The following CSE1L variants were observed in gnomAD, a reference collection of about 807,000 sequenced individuals.
CSE1L encodes the protein exportin-2.
A neutral mutation model predicts 120.4 loss-of-function variants in CSE1L; 24 were observed. The ratio of observed to expected loss-of-function variants is 0.20; its 90% confidence interval spans 0.14 to 0.28. The LOEUF (loss-of-function observed/expected upper bound fraction) is 0.28. CSE1L is among the 10% of genes least tolerant of loss of function. The pLI, the probability that CSE1L is intolerant of heterozygous loss-of-function variation, is 1.00. For missense variants in CSE1L, 830 were observed against 1,145.2 expected (o/e 0.72, Z 3.97); for synonymous variants, 402 against 398.3 (o/e 1.01, Z -0.11).
chr20:49,084,628 C>T (rs1274115322), intron 15 of CSE1L, among the ~76,000 whole-genome samples: 1 of 152,118 alleles, frequency 6.6e-6, no homozygotes, highest in Non-Finnish European at 1.5e-5. Flanking sequence ...TCACTTATTT[C>T]TGAGATATGA....
intron 6 of CSE1L, among the ~76,000 whole-genome samples, chr20:49,068,483 C>G (rs919302110): frequency 3.3e-5 from 5 of 152,254 alleles, no homozygotes; most frequent in African/African-American, 1.2e-4. Context: ...CCTATAGTCC[C>G]AGCTACTTGG....
At chr20:49,062,627 G>A (rs769023954) in intron 2 of CSE1L, among the ~76,000 whole-genome samples, 1 of 152,036 alleles carries the variant, frequency 6.6e-6, no homozygotes, top group Non-Finnish European at 1.5e-5. Context: ...AAGCCTAGCT[G>A]TGTGATCTTG....
intron 14 of CSE1L, 92 bp downstream of exon 14, chr20:49,078,714 T>A: frequency 1.3e-6 from 1 of 760,450 alleles, no homozygotes; most frequent in Non-Finnish European, 2.0e-6. Flanking sequence ...TCATTTTATA[T>A]CCACATCTAA....
At chr20:49,051,130 T>C (rs1307527013) in intron 1 of CSE1L, among the ~76,000 whole-genome samples, 1 of 152,200 alleles carries the variant, frequency 6.6e-6, no homozygotes, top group Non-Finnish European at 1.5e-5. Context: ...AAGAAATTAA[T>C]ATGCCTGATA....
In CSE1L at chr20:49,070,311, A is replaced by G. The variant is rs781755343; in HGVS notation, c.768+14A>G. 18 of 1,216,286 alleles carry G rather than the reference A, an allele frequency of 1.5e-5. No homozygotes were observed. The highest frequency in any genetic ancestry group is 2.0e-5 in the Non-Finnish European group (17 of 842,700). The allele number at this position is 1,216,286 out of a possible 1,614,324, so 75.3% of individuals were successfully genotyped here. A position where few individuals can be genotyped will look rare whatever the true frequency, so the allele number is the denominator to read the frequency against. ...TTACAAACTGATGTAAGTATTTAAA[A>G]TGTTGCCTGAGTGGTCTTTTTCTTT... is the stretch of plus-strand genomic sequence containing the variant. On this transcript the variant is annotated intron_variant, in intron 8 of 24. Coordinates refer to ENST00000262982, the MANE Select transcript of CSE1L (RefSeq NM_001316.4).
At chr20:49,078,515 G>C in intron 13 of CSE1L, 46 bp from the exon 14 acceptor site, 1 of 1,318,138 alleles carries the variant, frequency 7.6e-7, no homozygotes, top group Non-Finnish European at 1.1e-6. Flanking sequence ...TGGAAGTAAT[G>C]ATCCTTACCA....
At chr20:49,080,554 G>A (rs959790696) in intron 14 of CSE1L, among the ~76,000 whole-genome samples, 5 of 152,184 alleles carry the variant, frequency 3.3e-5, no homozygotes, top group South Asian at 2.1e-4. Flanking sequence ...TCGGCTCACC[G>A]CAACATGCGT....
intron 8 of CSE1L, among the ~76,000 whole-genome samples, chr20:49,070,964 A>G (rs1241492627): frequency 1.3e-5 from 2 of 152,284 alleles, no homozygotes; most frequent in East Asian, 3.9e-4. Context: ...AATTATCCAC[A>G]GCTCGAGAAA....
chr20:49,089,773 A>C, intron 19 of CSE1L, 27 bp downstream of exon 19: 1 of 1,603,184 alleles, frequency 6.2e-7, no homozygotes, highest in Non-Finnish European at 8.5e-7. Context: ...TATAACTGTA[A>C]TTTTATAAAG....
intron 11 of CSE1L, 41 bp from the exon 12 acceptor site, chr20:49,075,274 GGTT>G (rs2091961018): frequency 7.0e-7 from 1 of 1,435,076 alleles, no homozygotes; most frequent in Non-Finnish European, 9.7e-7. Context: ...GCTTGTTGGT[GGTT>G]GTTTTTTTTC....
At chr20:49,082,095 T>G (rs544281605) in intron 14 of CSE1L, among the ~76,000 whole-genome samples, 1 of 147,708 alleles carries the variant, frequency 6.8e-6, no homozygotes, top group African/African-American at 2.5e-5. Flanking sequence ...TAGGTTTTAA[T>G]TTTTTTTTTT....
In CSE1L at chr20:49,066,443, C is replaced by A. The variant is rs750936938; in HGVS notation, c.409C>A (p.Arg137Ser). ...TGACTTGCTGACAGAAATGGTGAAT[C>A]GCTTTCAGAGTGGAGATTTCCATGT... ...WPDLLTEMVN[R>S]FQSGDFHVIN... Residue 137 changes from arginine to serine, a missense_variant, in exon 5 of 25, where the codon CGC (arginine) becomes AGC (serine). Arg to Ser is a moderately radical substitution (Grantham distance 110). Transcript: ENST00000262982. The A allele has an allele frequency of 1.9e-6, 3 of 1,614,110 alleles. No individual in the cohort carries two copies. The highest frequency in any genetic ancestry group is 3.3e-5 in the Admixed American group (2 of 60,022).
chr20:49,079,055 C>T (rs1205048850), intron 14 of CSE1L, among the ~76,000 whole-genome samples: 1 of 151,976 alleles, frequency 6.6e-6, no homozygotes, highest in African/African-American at 2.4e-5. Context: ...CCACACCTAG[C>T]TAATTTTTTG....
At chr20:49,051,029 G>T (rs2091762771) in intron 1 of CSE1L, among the ~76,000 whole-genome samples, 1 of 152,210 alleles carries the variant, frequency 6.6e-6, no homozygotes, top group Admixed American at 6.5e-5. Flanking sequence ...CTATTGTAAG[G>T]CTCTAGGGAG....
At chr20:49,082,684 A>G (rs2092022905) in intron 14 of CSE1L, among the ~76,000 whole-genome samples, 1 of 151,730 alleles carries the variant, frequency 6.6e-6, no homozygotes, top group African/African-American at 2.4e-5. Flanking sequence ...ATGCCCGGCT[A>G]ATTTTTTTTG....
At chr20:49,047,559 C>CTTTTTTTTTTTTTTTTTT (rs1568757225) in intron 1 of CSE1L, among the ~76,000 whole-genome samples, 1 of 61,088 alleles carries the variant, frequency 1.6e-5, no homozygotes, top group Non-Finnish European at 3.4e-5. Flanking sequence ...TTTCTTTTCT[C>CTTTTTTTTTTTTTTTTTT]TTTTCTTTTT....
chr20:49,070,410 GTAA>G (rs2091923552), intron 8 of CSE1L, 113 bp downstream of exon 8: 2 of 588,374 alleles, frequency 3.4e-6, no homozygotes, highest in Non-Finnish European at 6.0e-6. Flanking sequence ...TTTCAATACT[GTAA>G]TAATATTTGA....
At chr20:49,050,370 C>T (rs1477094938) in intron 1 of CSE1L, among the ~76,000 whole-genome samples, 2 of 147,730 alleles carry the variant, frequency 1.4e-5, no homozygotes, top group African/African-American at 2.5e-5. Context: ...AGGAGGGTAT[C>T]ACCAAGCCCA....
At chr20:49,057,417 A>G (rs909970204) in intron 1 of CSE1L, among the ~76,000 whole-genome samples, 1 of 109,916 alleles carries the variant, frequency 9.1e-6, no homozygotes, top group Non-Finnish European at 2.0e-5. Flanking sequence ...TGGGATATTT[A>G]TTTGCTGTTT....
Sources: gnomAD v4.1 joint callset for allele counts (sites outside exome capture counted in the v4.1 genomes callset) on GRCh38, gnomAD v4.1.1 for gene constraint, MANE v1.5 for transcripts, NCBI Gene and HGNC (gene_info 2026-07-23, HGNC 2026-07-21) for gene names.